Variants in ITGA9 observed in about 807,000 individuals in gnomAD.
ITGA9 encodes integrin alpha-9.
ITGA9 carries 56 observed loss-of-function variants against 127.8 expected under a neutral mutation model. The ratio of observed to expected loss-of-function variants is 0.44; its 90% confidence interval spans 0.35 to 0.55. The LOEUF is 0.55. Ranked by LOEUF, ITGA9 falls within the 20% of genes least tolerant of loss-of-function variation. ITGA9 has a pLI of 0.00. For missense variants in ITGA9, 1,196 were observed against 1,347.1 expected (o/e 0.89, Z 1.76); for synonymous variants, 508 against 514.5 (o/e 0.99, Z 0.17).
In ITGA9 at chr3:37,686,621, T is replaced by C. The variant is rs571525096; in HGVS notation, c.2067+2606T>C. ...TGAATTCCAGCAACCTTTGAAACCT[T>C]TGTCACAAGGAACCCTAGGTTTCAG... On this transcript the variant is annotated intron_variant, in intron 18 of 27. Transcript: ENST00000264741. Among the ~76,000 whole-genome samples the C allele has an allele frequency of 1.1e-4, 16 of 152,226 alleles. No individual in the cohort carries two copies. The East Asian group carries it at 2.7e-3, about 26-fold the overall frequency.
chr3:37,819,713 T>C lies in ITGA9; in HGVS notation c.*724T>C, dbSNP rs569738158. On this transcript the variant is annotated 3_prime_UTR_variant, in exon 28 of 28. Transcript: ENST00000264741. ...ACAAGAATTTGGATGGAAAACCTGA[T>C]CCCTAGCAAGAAGTCTGCTCTGTAT... The C allele has an allele frequency of 3.9e-5, 6 of 152,570 alleles. No individual in the cohort carries two copies. In the East Asian group the frequency reaches 1.2e-3, roughly 29 times the overall value. 9.5% of individuals were successfully genotyped at this position (152,570 alleles called of 1,614,324 possible).
intron 15 of ITGA9, among the ~76,000 whole-genome samples, chr3:37,595,698 G>A (rs955883623): frequency 6.6e-6 from 1 of 152,190 alleles, no homozygotes; most frequent in African/African-American, 2.4e-5. Flanking sequence ...CGTGGTGTTT[G>A]GGTTTGTAGG....
At chr3:37,633,245 G>A (rs1559554266) in intron 16 of ITGA9, among the ~76,000 whole-genome samples, 1 of 152,100 alleles carries the variant, frequency 6.6e-6, no homozygotes, top group African/African-American at 2.4e-5. Context: ...AAAAATAAAA[G>A]CATTCAAGAC....
intron 2 of ITGA9, among the ~76,000 whole-genome samples, chr3:37,472,327 A>G (rs1698441445): frequency 6.6e-6 from 1 of 152,218 alleles, no homozygotes; most frequent in Admixed American, 6.5e-5. Context: ...TTTTGTTATA[A>G]TCATGACTGC....
chr3:37,592,196 C>A (rs549531507), intron 15 of ITGA9, among the ~76,000 whole-genome samples: 20 of 152,270 alleles, frequency 1.3e-4, no homozygotes, highest in African/African-American at 4.8e-4. Context: ...AAAAAGGTAA[C>A]CCTGTGTATA....
intron 4 of ITGA9, among the ~76,000 whole-genome samples, chr3:37,485,536 A>G (rs1418323718): frequency 6.6e-6 from 1 of 152,056 alleles, no homozygotes; most frequent in East Asian, 1.9e-4. Context: ...AACTCAGGTG[A>G]AAGTGCTCAG....
chr3:37,744,026 A>C lies in ITGA9; in HGVS notation c.2425A>C (p.Thr809Pro), dbSNP rs1575217185. 1.2e-6 allele frequency: 2 copies of C among 1,610,502 alleles called. No homozygotes were observed. The highest frequency in any genetic ancestry group is 1.7e-6 in the Non-Finnish European group (2 of 1,177,098). The change falls in exon 22 of 28, where the codon ACC (threonine) becomes CCC (proline). Residue 809 changes from threonine (T) to proline (P), a missense_variant. By Grantham distance (38) the Thr-to-Pro change is conservative. Transcript: ENST00000264741. ...GTGTCACTTTCAGCCCATCAATATC[A>C]CCCTTCAGGTACCCACTCCTGGAGA... is the stretch of plus-strand genomic sequence containing the variant. ...LECHFQPINI[T>P]LQVYNTGPST...
chr3:37,735,932 A>G (rs1222147663), intron 19 of ITGA9, among the ~76,000 whole-genome samples: 1 of 152,214 alleles, frequency 6.6e-6, no homozygotes, highest in East Asian at 1.9e-4. Context: ...AACAACAGAC[A>G]TGTATTTCTC....
chr3:37,520,112 T>A (rs547025239), intron 11 of ITGA9, among the ~76,000 whole-genome samples: 1 of 152,344 alleles, frequency 6.6e-6, no homozygotes, highest in South Asian at 2.1e-4. Flanking sequence ...ATTTGTATTT[T>A]AATTTTAAGA....
intron 3 of ITGA9, among the ~76,000 whole-genome samples, chr3:37,477,030 T>C (rs934795752): frequency 2.6e-5 from 4 of 152,226 alleles, no homozygotes; most frequent in Non-Finnish European, 5.9e-5. Context: ...AAATGTTCCT[T>C]GGAAATGGCA....
intron 15 of ITGA9, among the ~76,000 whole-genome samples, chr3:37,572,656 C>T (rs1699612814): frequency 6.6e-6 from 1 of 152,186 alleles, no homozygotes; most frequent in Non-Finnish European, 1.5e-5. Context: ...CCAAAGACGT[C>T]TCATACTGTA....
chr3:37,761,703 G>T (rs958351353), intron 23 of ITGA9, among the ~76,000 whole-genome samples: 1 of 152,188 alleles, frequency 6.6e-6, no homozygotes, highest in Non-Finnish European at 1.5e-5. Context: ...TAACAGTGGG[G>T]TTCACTGTGA....
intron 14 of ITGA9, among the ~76,000 whole-genome samples, chr3:37,538,128 CT>C (rs918952303): frequency 6.6e-6 from 1 of 152,236 alleles, no homozygotes; most frequent in African/African-American, 2.4e-5. Context: ...GGAAGGGGCG[CT>C]CTCTGAGTGA....
At chr3:37,561,556 C>T (rs1699487983) in intron 15 of ITGA9, among the ~76,000 whole-genome samples, 1 of 152,208 alleles carries the variant, frequency 6.6e-6, no homozygotes, top group Non-Finnish European at 1.5e-5. Context: ...AAGCATGGTT[C>T]TGACTTTCCT....
At chr3:37,719,727 A>G (rs1300170822) in intron 18 of ITGA9, among the ~76,000 whole-genome samples, 1 of 152,088 alleles carries the variant, frequency 6.6e-6, no homozygotes, top group Non-Finnish European at 1.5e-5. Flanking sequence ...GGTGAGATGG[A>G]TAGATGCCCC....
In ITGA9 at chr3:37,725,251, C is replaced by A. The variant is rs566287321; in HGVS notation, c.2068-7461C>A. 2.0e-5 allele frequency among the ~76,000 whole-genome samples: 3 copies of A among 152,270 alleles called. No homozygotes were observed. In the South Asian group the frequency reaches 6.2e-4, roughly 32 times the overall value. On this transcript the variant is annotated intron_variant, in intron 18 of 27. Transcript: ENST00000264741. ...CTTCCTTGATTCAAGAGTACCATGACTTGTGTTTGTTCTGACTCCAGGACT... is the reference window on the plus strand; with the variant it reads ...CTTCCTTGATTCAAGAGTACCATGAATTGTGTTTGTTCTGACTCCAGGACT...
At chr3:37,755,510 T>A (rs1696642397) in intron 23 of ITGA9, among the ~76,000 whole-genome samples, 1 of 152,158 alleles carries the variant, frequency 6.6e-6, no homozygotes, top group African/African-American at 2.4e-5. Context: ...ACTGATGTCT[T>A]CAGAGCAATG....
At chr3:37,791,896 T>C (rs11129771) in intron 26 of ITGA9, among the ~76,000 whole-genome samples, 39,817 of 152,230 alleles carry the variant, frequency 0.26, 6,164 homozygotes, top group African/African-American at 0.42. Context: ...CAAAGTTTAC[T>C]GCTTTTACTG....
chr3:37,691,088 C>G (rs1259695488), intron 18 of ITGA9, among the ~76,000 whole-genome samples: 2 of 152,178 alleles, frequency 1.3e-5, no homozygotes, highest in African/African-American at 4.8e-5. Context: ...CAGGAGAGAC[C>G]TACATGGTTT....
Sources: gnomAD v4.1 joint callset for allele counts (sites outside exome capture counted in the v4.1 genomes callset) on GRCh38, gnomAD v4.1.1 for gene constraint, MANE v1.5 for transcripts, NCBI Gene and HGNC (gene_info 2026-07-23, HGNC 2026-07-21) for gene names.